The following ARPP21 variants were observed in gnomAD, a reference collection of about 807,000 sequenced individuals.
The protein encoded by ARPP21 is cAMP regulated phosphoprotein 21.
Under a neutral mutation model 113.2 loss-of-function variants are expected in ARPP21, and 69 were observed. The observed-to-expected ratio is 0.61, with a 90% CI of 0.50 to 0.74. The LOEUF is 0.74. Ranked by LOEUF, ARPP21 falls within the 30% of genes least tolerant of loss-of-function variation. The pLI is 0.00. For missense variants in ARPP21, 1,070 were observed against 1,037.4 expected (o/e 1.03, Z -0.43); for synonymous variants, 368 against 375.5 (o/e 0.98, Z 0.23).
Position 35,721,853 on chromosome 3 carries a change from GT to G in ARPP21, c.1225+22del. 1 of 1,502,232 alleles carries G rather than the reference GT, an allele frequency of 6.7e-7. No individual in the cohort carries two copies. The highest frequency in any genetic ancestry group is 9.0e-7 in the Non-Finnish European group (1 of 1,105,314). 93.1% of individuals were successfully genotyped at this position (1,502,232 alleles called of 1,614,324 possible). ...AAAGCAGGTAGTTAGTACTGAATGT[GT>G]TTATGTCCTGTGGTATTTTTTGGAT... is the stretch of plus-strand genomic sequence containing the variant. On this transcript the variant is annotated intron_variant, in intron 14 of 20. Coordinates refer to ENST00000684406, the MANE Select transcript of ARPP21 (RefSeq NM_001385562.1).
At chr3:35,768,506 A>G (rs1390111279) in intron 19 of ARPP21, among the ~76,000 whole-genome samples, 2 of 152,168 alleles carry the variant, frequency 1.3e-5, no homozygotes, top group Non-Finnish European at 2.9e-5. Context: ...AATAAAAATA[A>G]CCGATATTTG....
At chr3:35,730,341 GC>G (rs1247527380) in intron 15 of ARPP21, among the ~76,000 whole-genome samples, 1 of 152,188 alleles carries the variant, frequency 6.6e-6, no homozygotes, top group East Asian at 1.9e-4. Flanking sequence ...TTTGTCTCTG[GC>G]CCCAAGGCCA....
At chr3:35,741,647 T>C (rs1455128179) in intron 18 of ARPP21, among the ~76,000 whole-genome samples, 1 of 152,230 alleles carries the variant, frequency 6.6e-6, no homozygotes, top group Non-Finnish European at 1.5e-5. Flanking sequence ...ATATTTTTTA[T>C]AGTTTCTTCT....
chr3:35,721,869 AT>A (rs2093105772), intron 14 of ARPP21, 35 bp downstream of exon 14: 5 of 1,398,940 alleles, frequency 3.6e-6, no homozygotes, highest in Non-Finnish European at 4.9e-6. Flanking sequence ...GTCCTGTGGT[AT>A]TTTTTGGATT....
At chr3:35,746,960 C>T (rs1263055266) in intron 19 of ARPP21, among the ~76,000 whole-genome samples, 1 of 152,124 alleles carries the variant, frequency 6.6e-6, no homozygotes, top group Non-Finnish European at 1.5e-5. Flanking sequence ...GTTCTTTATC[C>T]TGGTGATTTT....
At chr3:35,685,222 C>T in intron 5 of ARPP21, 2 of 985,286 alleles carry the variant, frequency 2.0e-6, no homozygotes, top group Non-Finnish European at 2.4e-6. Context: ...TATCACAGTG[C>T]CCACTCTGGA....
chr3:35,693,315 A>G (rs940639052), intron 9 of ARPP21, among the ~76,000 whole-genome samples: 2 of 151,646 alleles, frequency 1.3e-5, no homozygotes, highest in African/African-American at 4.8e-5. Flanking sequence ...GTTGAGCTCA[A>G]TAATGTTCAA....
chr3:35,763,994 A>G (rs1044757361), intron 19 of ARPP21, among the ~76,000 whole-genome samples: 5 of 152,108 alleles, frequency 3.3e-5, no homozygotes, highest in African/African-American at 1.2e-4. Context: ...GGAAATCCCC[A>G]TATCTCCAAA....
intron 19 of ARPP21, among the ~76,000 whole-genome samples, chr3:35,753,408 C>T (rs9865772): frequency 0.081 from 12,287 of 151,842 alleles, 1,000 homozygotes; most frequent in African/African-American, 0.2. Flanking sequence ...AATTTTGGTA[C>T]GCCTAGTGAT....
At chr3:35,646,717 T>C (rs1700366351) in intron 1 of ARPP21, among the ~76,000 whole-genome samples, 1 of 152,040 alleles carries the variant, frequency 6.6e-6, no homozygotes, top group African/African-American at 2.4e-5. Context: ...TGCAGTCATA[T>C]TGGACTACTT....
chr3:35,760,628 T>A (rs762853600), intron 19 of ARPP21, among the ~76,000 whole-genome samples: 2 of 152,030 alleles, frequency 1.3e-5, no homozygotes, highest in Admixed American at 6.6e-5. Context: ...GACTGTAGTA[T>A]GTGCATGGAA....
At chr3:35,644,263 T>G (rs1397556864) in intron 1 of ARPP21, among the ~76,000 whole-genome samples, 1 of 151,948 alleles carries the variant, frequency 6.6e-6, no homozygotes, top group African/African-American at 2.4e-5. Context: ...TTATTTGTAG[T>G]GCCTTAGTCT....
At chr3:35,644,068 G>T (rs971218810) in intron 1 of ARPP21, among the ~76,000 whole-genome samples, 11 of 151,588 alleles carry the variant, frequency 7.3e-5, no homozygotes, top group African/African-American at 2.7e-4. Flanking sequence ...TTTTATTCTA[G>T]CATTTTATGT....
At chr3:35,780,812 T>C (rs2096507838) in intron 19 of ARPP21, among the ~76,000 whole-genome samples, 1 of 152,066 alleles carries the variant, frequency 6.6e-6, no homozygotes, top group Non-Finnish European at 1.5e-5. Context: ...AGAGGTTATC[T>C]GGAGGCAGGC....
intron 19 of ARPP21, among the ~76,000 whole-genome samples, chr3:35,778,727 A>G (rs2151678196): frequency 9.5e-6 from 1 of 104,926 alleles, no homozygotes; most frequent in African/African-American, 3.7e-5. Context: ...TTCTGGCACT[A>G]CTAAACTGTA....
In ARPP21 at chr3:35,739,323, G is replaced by T; in HGVS notation, c.1756G>T (p.Asp586Tyr). 6.2e-7 allele frequency: 1 copy of T among 1,613,808 alleles called. No individual in the cohort carries two copies. Among genetic ancestry groups the T allele is most frequent in the South Asian group, 1.1e-5 (1 of 91,036 alleles). Residue 586 changes from aspartate (D) to tyrosine (Y), a missense_variant, in exon 18 of 21, where the codon GAT becomes TAT. Asp to Tyr is a radical substitution (Grantham distance 160). Coordinates refer to ENST00000684406, the MANE Select transcript of ARPP21 (RefSeq NM_001385562.1). ...TTATTTCCATGACTTGCAGAGAGAT[G>T]ATGTGGCAACACAGTTTGGCCAGAT... Reference protein sequence around the residue: ...SPTQHFPMRDDVATQFGQMTL... With the variant: ...SPTQHFPMRDYVATQFGQMTL...
At chr3:35,745,606 G>T (rs115247419) in intron 19 of ARPP21, among the ~76,000 whole-genome samples, 4 of 152,140 alleles carry the variant, frequency 2.6e-5, no homozygotes, top group African/African-American at 7.2e-5. Flanking sequence ...TATGTGAGGG[G>T]ATGAGAAAGT....
chr3:35,766,717 TAA>T (rs1007626861), intron 19 of ARPP21, among the ~76,000 whole-genome samples: 24 of 152,278 alleles, frequency 1.6e-4, no homozygotes, highest in Admixed American at 9.2e-4. Context: ...GCCAGAACAA[TAA>T]GTTATCATTT....
chr3:35,747,974 A>G (rs771201196), intron 19 of ARPP21, among the ~76,000 whole-genome samples: 13 of 149,058 alleles, frequency 8.7e-5, no homozygotes, highest in Middle Eastern at 3.4e-3. Flanking sequence ...AGAGAGAGAG[A>G]GAGGGAGGGA....
Sources: gnomAD v4.1 joint callset for allele counts (sites outside exome capture counted in the v4.1 genomes callset) on GRCh38, gnomAD v4.1.1 for gene constraint, MANE v1.5 for transcripts, NCBI Gene and HGNC (gene_info 2026-07-23, HGNC 2026-07-21) for gene names.